PCDHA10: variants seen among roughly 807,000 people sequenced by gnomAD.
PCDHA10 encodes protocadherin alpha 10.
Under a neutral mutation model 61.2 loss-of-function variants are expected in PCDHA10, and 45 were observed. The observed-to-expected ratio is 0.74, with a 90% CI of 0.58 to 0.94. The LOEUF is 0.94. Among genes scored for constraint, PCDHA10 ranks in the 40% least tolerant of loss-of-function variants. PCDHA10 has a pLI of 0.00. For synonymous variants in PCDHA10, 602 were observed against 548.8 expected (o/e 1.10, Z -1.35); for missense variants, 1,278 against 1,236.2 (o/e 1.03, Z -0.51).
Position 140,884,512 on chromosome 5 carries a change from G to A in PCDHA10, c.2388+26076G>A, listed in dbSNP as rs782026771. 4.3e-5 allele frequency: 70 copies of A among 1,614,202 alleles called. No individual in the cohort carries two copies. The Middle Eastern group carries it at 4.9e-4, about 11-fold the overall frequency. ...TGTGCTCCAGCGCGGCAGGGAGTTG[G>A]TCGTACTCGCAGCAGAGGCGGCCGA... is the stretch of plus-strand genomic sequence containing the variant. On this transcript the variant is annotated intron_variant, in intron 1 of 3. Transcript: ENST00000307360.
chr5:140,998,497 G>A (rs1367409428), intron 3 of PCDHA10, among the ~76,000 whole-genome samples: 2 of 152,090 alleles, frequency 1.3e-5, no homozygotes, highest in East Asian at 3.8e-4. Flanking sequence ...TTTGAGAACA[G>A]GGTACTTGTC....
At chr5:140,928,252 G>T in intron 1 of PCDHA10, 1 of 1,614,208 alleles carries the variant, frequency 6.2e-7, no homozygotes, top group Non-Finnish European at 8.5e-7. Flanking sequence ...GGAACTTTTC[G>T]TTGCTGAAAA....
chr5:140,987,358 T>C (rs1554249108), intron 3 of PCDHA10, among the ~76,000 whole-genome samples: 2 of 152,208 alleles, frequency 1.3e-5, no homozygotes, highest in Non-Finnish European at 2.9e-5. Context: ...CCTGAGGTTG[T>C]CTTATATCAT....
At chr5:140,967,380 A>C in intron 1 of PCDHA10, 3 of 1,608,302 alleles carry the variant, frequency 1.9e-6, no homozygotes, top group Non-Finnish European at 2.6e-6. Flanking sequence ...GAGAACAGTA[A>C]AGTGCTTGAG....
At chr5:140,893,612 T>C (rs1455928353) in intron 1 of PCDHA10, among the ~76,000 whole-genome samples, 1 of 152,240 alleles carries the variant, frequency 6.6e-6, no homozygotes, top group Non-Finnish European at 1.5e-5. Flanking sequence ...CCTTCATTTC[T>C]GAAGTATAGC....
intron 1 of PCDHA10, chr5:140,877,800 T>C (rs2057344527): frequency 6.2e-7 from 1 of 1,613,404 alleles, no homozygotes; most frequent in Non-Finnish European, 8.5e-7. Context: ...GCCCAAGCCT[T>C]CAGCTGTCTC....
intron 1 of PCDHA10, among the ~76,000 whole-genome samples, chr5:140,952,726 A>C (rs2094788337): frequency 6.6e-6 from 1 of 152,188 alleles, no homozygotes; most frequent in African/African-American, 2.4e-5. Context: ...TTTCTGTACT[A>C]GTCTTTTCTC....
chr5:141,010,949 C>T lies in PCDHA10; in HGVS notation c.*1012C>T, dbSNP rs1554263219. The T allele has an allele frequency of 6.5e-6, 1 of 153,762 alleles. No individual in the cohort carries two copies. Among genetic ancestry groups the T allele is most frequent in the African/African-American group, 2.4e-5 (1 of 41,442 alleles). 9.5% of individuals were successfully genotyped at this position (153,762 alleles called of 1,614,324 possible). On this transcript the variant is annotated 3_prime_UTR_variant, in exon 4 of 4. Transcript: ENST00000307360. ...TTCAGTCTACAGCCATTTAAATGAT[C>T]ATTGCTGCTACAGAAGTGCTTTAAG...
chr5:140,915,626 GTC>G (rs57920489), intron 1 of PCDHA10, among the ~76,000 whole-genome samples: 12,146 of 145,794 alleles, frequency 0.083, 491 homozygotes, highest in Middle Eastern at 0.12. Context: ...GTCTCTTTCT[GTC>G]TCTCTCTCTC....
At chr5:140,918,889 A>C (rs1057244376) in intron 1 of PCDHA10, among the ~76,000 whole-genome samples, 5 of 152,218 alleles carry the variant, frequency 3.3e-5, no homozygotes, top group African/African-American at 4.8e-5. Context: ...GAACAGTGAA[A>C]AATAAATCTC....
chr5:140,886,843 A>G (rs1247447766), intron 1 of PCDHA10, among the ~76,000 whole-genome samples: 8 of 150,852 alleles, frequency 5.3e-5, no homozygotes, highest in African/African-American at 1.5e-4. Flanking sequence ...AAAAAAAAAA[A>G]AAAAGAAAGG....
intron 3 of PCDHA10, among the ~76,000 whole-genome samples, chr5:141,007,994 T>G (rs1339008337): frequency 5.9e-5 from 9 of 152,262 alleles, no homozygotes. Flanking sequence ...GAAATGTACA[T>G]GTTAATAAAC....
In PCDHA10 at chr5:141,010,195, C is replaced by G. The variant is rs753472247; in HGVS notation, c.*258C>G. 6.4e-7 allele frequency: 1 copy of G among 1,552,256 alleles called. No homozygotes were observed. The highest frequency in any genetic ancestry group is 8.7e-7 in the Non-Finnish European group (1 of 1,147,132). Reference sequence around the variant, plus strand: ...TAAAAAGCAGACCCAAGTTTCCTTTCTCCTCCGCCGCAAAGGAGAGGCTTC... The same window carrying G: ...TAAAAAGCAGACCCAAGTTTCCTTTGTCCTCCGCCGCAAAGGAGAGGCTTC... On this transcript the variant is annotated 3_prime_UTR_variant, in exon 4 of 4. Coordinates refer to ENST00000307360, the MANE Select transcript of PCDHA10 (RefSeq NM_018901.4).
chr5:140,869,484 C>A, intron 1 of PCDHA10: 2 of 1,613,948 alleles, frequency 1.2e-6, no homozygotes, highest in Non-Finnish European at 1.7e-6. Flanking sequence ...AGGACATTAA[C>A]GACAACCCGC....
chr5:140,923,245 G>T (rs1584300888), intron 1 of PCDHA10, among the ~76,000 whole-genome samples: 3 of 152,190 alleles, frequency 2.0e-5, no homozygotes, highest in East Asian at 1.9e-4. Context: ...TTTGAGACCA[G>T]CTGGGCAACA....
intron 1 of PCDHA10, chr5:140,862,299 T>C: frequency 3.7e-6 from 1 of 273,624 alleles, no homozygotes; most frequent in Non-Finnish European, 7.2e-6. Flanking sequence ...GACGCTCCAC[T>C]GGGTACCGTC....
intron 3 of PCDHA10, among the ~76,000 whole-genome samples, chr5:140,987,383 G>A (rs2097252098): frequency 6.6e-6 from 1 of 152,138 alleles, no homozygotes; most frequent in Admixed American, 6.5e-5. Flanking sequence ...GGGTCAGAAT[G>A]CATGCAAGGA....
At chr5:140,861,448 AC>A in intron 1 of PCDHA10, 2 of 493,166 alleles carry the variant, frequency 4.1e-6, no homozygotes, top group Non-Finnish European at 8.3e-6. Context: ...AGCCGCAGAA[AC>A]CTTCTGGAGG....
At chr5:140,876,808 G>T in intron 1 of PCDHA10, 1 of 1,614,222 alleles carries the variant, frequency 6.2e-7, no homozygotes, top group Non-Finnish European at 8.5e-7. Flanking sequence ...CGTGGAGGTG[G>T]CCGACGTGAA....
Sources: gnomAD v4.1 joint callset for allele counts (sites outside exome capture counted in the v4.1 genomes callset) on GRCh38, gnomAD v4.1.1 for gene constraint, MANE v1.5 for transcripts, NCBI Gene and HGNC (gene_info 2026-07-23, HGNC 2026-07-21) for gene names.